TBL3: variants seen among roughly 807,000 people sequenced by gnomAD.
TBL3 encodes transducin beta-like protein 3.
In TBL3, 71 loss-of-function variants were observed where a neutral mutation model predicts 102.7. The observed-to-expected ratio is 0.69, with a 90% CI of 0.57 to 0.84. TBL3 has a LOEUF of 0.84. Among genes scored for constraint, TBL3 ranks in the 40% least tolerant of loss-of-function variants. The pLI is 0.00. For missense variants in TBL3, 1,188 were observed against 1,098.5 expected, an observed-to-expected ratio of 1.08 and a Z score of -1.15; for synonymous variants, 578 against 477.7, an observed-to-expected ratio of 1.21 and a Z score of -2.74.
rs1185229167 is a variant in TBL3 at position 1,980,508 on chromosome 16, C to T, written c.*1823C>T. On this transcript the variant is annotated 3_prime_UTR_variant, in exon 22 of 22. Transcript: ENST00000568546. The stretch of plus-strand genomic sequence containing the variant: ...CAACAGCTGCAGGCGCGCCAGGCCG[C>T]GGCTCGTGCGCCCCACGCGTCCCAA... The T allele has an allele frequency of 1.2e-6, 2 of 1,602,980 alleles. No homozygotes were observed. The highest frequency in any genetic ancestry group is 2.2e-5 in the East Asian group (1 of 44,866).
rs369637559 is a variant in TBL3 at position 1,978,225 on chromosome 16, G to T, written c.2134+5G>T. On this transcript the variant is annotated splice_donor_5th_base_variant and intron_variant, in intron 20 of 21. Coordinates refer to ENST00000568546, the MANE Select transcript of TBL3 (RefSeq NM_006453.3). ...GACTGCGGCGCGACCAGAAAGGTTGGCGGCCAGTCAGGGTGGGTGGCCCGG... is the reference window on the plus strand; with the variant it reads ...GACTGCGGCGCGACCAGAAAGGTTGTCGGCCAGTCAGGGTGGGTGGCCCGG... 3 of 1,612,746 alleles carry T rather than the reference G, an allele frequency of 1.9e-6. No homozygotes were observed. Among genetic ancestry groups the T allele is most frequent in the Non-Finnish European group, 2.5e-6 (3 of 1,179,966 alleles).
Position 1,980,255 on chromosome 16 carries a change from G to A in TBL3, c.*1570G>A. ...GAAACTGGGGGCGCCACCCCGGCAA[G>A]ACCGCCAGCCTCCCACTCTCTGCCC... On this transcript the variant is annotated 3_prime_UTR_variant, in exon 22 of 22. Coordinates refer to ENST00000568546, the MANE Select transcript of TBL3 (RefSeq NM_006453.3). 1.3e-6 allele frequency: 2 copies of A among 1,522,256 alleles called. No individual in the cohort carries two copies. The highest frequency in any genetic ancestry group is 2.4e-5 in the South Asian group (2 of 81,926). The allele number at this position is 1,522,256 out of a possible 1,614,324, so 94.3% of individuals were successfully genotyped here.
At position 1,978,933 on chromosome 16, in the gene TBL3, T is replaced by G; in HGVS notation, c.*248T>G. 2 of 1,163,708 alleles carry G rather than the reference T, an allele frequency of 1.7e-6. No individual in the cohort carries two copies. The highest frequency in any genetic ancestry group is 1.2e-6 in the Non-Finnish European group (1 of 834,754). The allele number at this position is 1,163,708 out of a possible 1,614,324, so 72.1% of individuals were successfully genotyped here. ...CGGTGGGGGTCATGCAGAACAAGCT[T>G]TACTCAGAGGAACAGCAAATGGCCC... On this transcript the variant is annotated 3_prime_UTR_variant, in exon 22 of 22. Coordinates refer to ENST00000568546, the MANE Select transcript of TBL3 (RefSeq NM_006453.3).
In TBL3 at chr16:1,980,567, C is replaced by T. The variant is rs2083484194; in HGVS notation, c.*1882C>T. The T allele has an allele frequency of 1.9e-6, 3 of 1,596,860 alleles. No individual in the cohort carries two copies. The South Asian group carries it at 3.3e-5, about 18-fold the overall frequency. On this transcript the variant is annotated 3_prime_UTR_variant, in exon 22 of 22. Coordinates refer to ENST00000568546, the MANE Select transcript of TBL3 (RefSeq NM_006453.3). Reference sequence around the variant, plus strand: ...CATCTTAAGGCACCACAAAAACGTACTGTGATACGCCGCTTTGGGCTTCAC... The same window carrying T: ...CATCTTAAGGCACCACAAAAACGTATTGTGATACGCCGCTTTGGGCTTCAC...
rs1376731897 is a variant in TBL3, at chr16:1,980,789, G to A, written c.*2104G>A. The A allele has an allele frequency of 6.5e-7, 1 of 1,529,386 alleles. No homozygotes were observed. Among genetic ancestry groups the A allele is most frequent in the African/African-American group, 1.4e-5 (1 of 73,040 alleles). 94.7% of individuals were successfully genotyped at this position (1,529,386 alleles called of 1,614,324 possible). On this transcript the variant is annotated 3_prime_UTR_variant, in exon 22 of 22. Transcript: ENST00000568546. ...GAGCCCACTGTGCACCCTTGAGAGGGCGGGGTCCCTCACCCGGATGGCAGG... is the reference window on the plus strand; with the variant it reads ...GAGCCCACTGTGCACCCTTGAGAGGACGGGGTCCCTCACCCGGATGGCAGG...
rs752551078 is a variant in TBL3 at position 1,977,032 on chromosome 16, C to G, written c.1441-22C>G. 4 of 1,612,544 alleles carry G rather than the reference C, an allele frequency of 2.5e-6. No homozygotes were observed. In the South Asian group the frequency reaches 4.4e-5, roughly 18 times the overall value. On this transcript the variant is annotated intron_variant, in intron 14 of 21. Coordinates refer to ENST00000568546, the MANE Select transcript of TBL3 (RefSeq NM_006453.3). ...GGGGGAAGATGGGGGATTGCTGAGC[C>G]ACCACCTTCTCCCATTGCCAGGACA...
rs1231751444 is a variant in TBL3, at chr16:1,979,319, C to T, written c.*634C>T. 20 of 1,573,252 alleles carry T rather than the reference C, an allele frequency of 1.3e-5. No homozygotes were observed. The highest frequency in any genetic ancestry group is 1.7e-5 in the Non-Finnish European group (20 of 1,167,222). ...CCAGCCCTTCCGGCCGCAGCAGCAC[C>T]GCGGGGAGTAGGCCCGCCCGGTCGC... On this transcript the variant is annotated 3_prime_UTR_variant, in exon 22 of 22. Transcript: ENST00000568546.
rs764732676 is a variant in TBL3, at chr16:1,978,208, C to T, written c.2122C>T (p.Arg708Cys). The T allele has an allele frequency of 2.9e-5, 46 of 1,612,708 alleles. No individual in the cohort carries two copies. The highest frequency in any genetic ancestry group is 2.7e-4 in the South Asian group (25 of 91,086). The change falls in exon 20 of 22, where the codon CGC (arginine) becomes TGC (cysteine). Residue 708 changes from arginine to cysteine, a missense_variant. Physicochemically the swap from Arg to Cys is radical, Grantham distance 180 (BLOSUM62 -3). Coordinates refer to ENST00000568546, the MANE Select transcript of TBL3 (RefSeq NM_006453.3). ...GGAAGCCACCATGCTCCGACTGCGGCGCGACCAGAAAGGTTGGCGGCCAGT... is the reference window on the plus strand; with the variant it reads ...GGAAGCCACCATGCTCCGACTGCGGTGCGACCAGAAAGGTTGGCGGCCAGT... ...KLEATMLRLR[R>C]DQKEALLRFC...
intron 12 of TBL3, 38 bp from the exon 13 acceptor site, chr16:1,976,173 C>T (rs1240965527): frequency 3.1e-6 from 5 of 1,613,702 alleles, no homozygotes; most frequent in Non-Finnish European, 4.2e-6. Flanking sequence ...CGCAGTAGGC[C>T]CATGGACCAG....
At position 1,974,466 on chromosome 16, in the gene TBL3, C is replaced by T. The variant is rs200843891; in HGVS notation, c.237+43C>T. 2.6e-5 allele frequency: 41 copies of T among 1,588,996 alleles called. No homozygotes were observed. The East Asian group carries it at 7.6e-4, about 30-fold the overall frequency. Reference sequence around the variant, plus strand: ...TGGAGGGGACCCGCTCCAGCGCCTCCCTCCCAGACTGAGTCCAGGAAGATG... The same window carrying T: ...TGGAGGGGACCCGCTCCAGCGCCTCTCTCCCAGACTGAGTCCAGGAAGATG... On this transcript the variant is annotated intron_variant, in intron 4 of 21. Coordinates refer to ENST00000568546, the MANE Select transcript of TBL3 (RefSeq NM_006453.3).
At position 1,975,511 on chromosome 16, in the gene TBL3, C is replaced by T; in HGVS notation, c.806-18C>T. The T allele has an allele frequency of 6.3e-7, 1 of 1,598,758 alleles. No individual in the cohort carries two copies. The highest frequency in any genetic ancestry group is 1.3e-5 in the African/African-American group (1 of 74,920). ...TGTGGACCTGAGAGTCTCAGCAGCC[C>T]TGTCCCCACCCACACAGGCACTCTG... On this transcript the variant is annotated intron_variant, in intron 9 of 21. Coordinates refer to ENST00000568546, the MANE Select transcript of TBL3 (RefSeq NM_006453.3).
chr16:1,978,674 G>A lies in TBL3; in HGVS notation c.2416G>A (p.Ala806Thr), dbSNP rs1391061858. The change falls in exon 22 of 22, where the codon GCA becomes ACA. Residue 806 changes from alanine (A) to threonine (T), a missense_variant. Coordinates refer to ENST00000568546, the MANE Select transcript of TBL3 (RefSeq NM_006453.3). ...APTPWETHKG[A>T]LP ...CACCCCCTGGGAAACCCATAAAGGC[G>A]CACTGCCCTAGCCGGTCCGGCCTCT... 3.7e-6 allele frequency: 6 copies of A among 1,611,286 alleles called. No individual in the cohort carries two copies. In the African/African-American group the frequency reaches 5.3e-5, roughly 14 times the overall value.
In TBL3 at chr16:1,980,093, G is replaced by A. The variant is rs201558628; in HGVS notation, c.*1408G>A. 5.2e-5 allele frequency: 84 copies of A among 1,607,252 alleles called. No homozygotes were observed. In the East Asian group the frequency reaches 1.8e-3, roughly 34 times the overall value. ...TGGGTACAGAAGGGCTGCAGGCAGC[G>A]CAGGCTCTGAGCCTCCAGACTGTGG... On this transcript the variant is annotated 3_prime_UTR_variant, in exon 22 of 22. Coordinates refer to ENST00000568546, the MANE Select transcript of TBL3 (RefSeq NM_006453.3).
rs762903707 is a variant in TBL3 at position 1,980,418 on chromosome 16, C to T, written c.*1733C>T. The T allele has an allele frequency of 1.2e-6, 2 of 1,602,902 alleles. No individual in the cohort carries two copies. Among genetic ancestry groups the T allele is most frequent in the East Asian group, 2.2e-5 (1 of 44,872 alleles). On this transcript the variant is annotated 3_prime_UTR_variant, in exon 22 of 22. Transcript: ENST00000568546. ...GTCCAGGGGTTGCGGTGCGAAGAAG[C>T]CAGTGATCGTCGGGCTCCGTGCCAC...
Position 1,972,176 on chromosome 16 carries a change from C to T in TBL3, c.12C>T (p.Thr4=), listed in dbSNP as rs1010022455. ...GCGGCGGCGGCAACATGGCAGAGAC[C>T]GCGGCCGGAGTGGGCCGCTTCAAGA... is the stretch of plus-strand genomic sequence containing the variant. MAE[T]AAGVGRFKTN... is the part of the protein sequence containing the mutation. Residue 4 remains threonine (T), a synonymous_variant, in exon 1 of 22, where the codon ACC becomes ACT. Coordinates refer to ENST00000568546, the MANE Select transcript of TBL3 (RefSeq NM_006453.3). 3.6e-5 allele frequency: 52 copies of T among 1,442,274 alleles called. No homozygotes were observed. Among genetic ancestry groups the T allele is most frequent in the Non-Finnish European group, 4.4e-5 (48 of 1,097,356 alleles). 89.3% of individuals were successfully genotyped at this position (1,442,274 alleles called of 1,614,324 possible). A position where few individuals can be genotyped will look rare whatever the true frequency, so the allele number is the denominator to read the frequency against.
chr16:1,974,406 C>G lies in TBL3; in HGVS notation c.220C>G (p.Leu74Val). ...CCAGGAGGACATCACTGCCTTTGAC[C>G]TCAGCCCTGACAACGAGGTATGTGG... The part of the protein sequence containing the change: ...EDQEDITAFD[L>V]SPDNEVLVTA... Residue 74 changes from leucine to valine, a missense_variant, in exon 4 of 22, where the codon CTC (leucine) becomes GTC (valine). Physicochemically the swap from Leu to Val is conservative, Grantham distance 32 (BLOSUM62 1). Transcript: ENST00000568546. The G allele has an allele frequency of 1.2e-6, 2 of 1,610,742 alleles. No homozygotes were observed. Among genetic ancestry groups the G allele is most frequent in the East Asian group, 2.2e-5 (1 of 44,834 alleles).
rs747591693 is a variant in TBL3 at position 1,976,060 on chromosome 16, C to T, written c.1134C>T (p.Ile378=). ...TACCTCCCCACAACATCTCAGATAT[C>T]GTCCTGGCCCTGGATGTGTTCCGGA... ...ACQILHGHTD[I]VLALDVFRKG... The change falls in exon 12 of 22, where the codon ATC becomes ATT. Residue 378 remains isoleucine (I), a synonymous_variant. Transcript: ENST00000568546. 2.5e-5 allele frequency: 41 copies of T among 1,614,088 alleles called. No individual in the cohort carries two copies. Among genetic ancestry groups the T allele is most frequent in the Middle Eastern group, 1.6e-4 (1 of 6,084 alleles).
In TBL3 at chr16:1,974,547, A is replaced by G. The variant is rs1349361702; in HGVS notation, c.247A>G (p.Thr83Ala). ...CTGTACCCTCCCCCAGGTGCTGGTG[A>G]CAGCCAGTCGGGCATTGCTGCTGGC... Reference protein sequence around the residue: ...DLSPDNEVLVTASRALLLAQW... With the variant: ...DLSPDNEVLVAASRALLLAQW... Residue 83 changes from threonine to alanine, a missense_variant, in exon 5 of 22, where the codon ACA becomes GCA. By Grantham distance (58) the Thr-to-Ala change is moderately conservative. Transcript: ENST00000568546. 1 of 1,606,420 alleles carries G rather than the reference A, an allele frequency of 6.2e-7. No homozygotes were observed. The highest frequency in any genetic ancestry group is 1.7e-5 in the Admixed American group (1 of 59,700).
Position 1,980,391 on chromosome 16 carries a change from A to C in TBL3, c.*1706A>C, listed in dbSNP as rs2083479025. 5 of 1,602,428 alleles carry C rather than the reference A, an allele frequency of 3.1e-6. No homozygotes were observed. In the East Asian group the frequency reaches 1.1e-4, roughly 36 times the overall value. ...CCTGCCGGGTGGCAGCGCGGGCTCCAGGTCCAGGGGTTGCGGTGCGAAGAA... is the reference window on the plus strand; with the variant it reads ...CCTGCCGGGTGGCAGCGCGGGCTCCCGGTCCAGGGGTTGCGGTGCGAAGAA... On this transcript the variant is annotated 3_prime_UTR_variant, in exon 22 of 22. Coordinates refer to ENST00000568546, the MANE Select transcript of TBL3 (RefSeq NM_006453.3).
Sources: allele counts gnomAD v4.1 joint callset, GRCh38; gene constraint gnomAD v4.1.1; transcripts MANE v1.5; gene names NCBI Gene and HGNC (gene_info 2026-07-23, HGNC 2026-07-21).